IGSF9B: variants seen among roughly 807,000 people sequenced by gnomAD.
The protein encoded by IGSF9B is immunoglobulin superfamily member 9B, also known as protein turtle homolog B.
IGSF9B carries 48 observed loss-of-function variants against 143.7 expected under a neutral mutation model. The observed-to-expected ratio is 0.33, with a 90% CI of 0.26 to 0.42. The LOEUF (loss-of-function observed/expected upper bound fraction) is 0.42, where lower values mean the gene tolerates loss of function less well. Among genes scored for constraint, IGSF9B ranks in the 20% least tolerant of loss-of-function variants. The pLI, the probability that IGSF9B is intolerant of heterozygous loss-of-function variation, is 1.00. For missense variants in IGSF9B, 1,706 were observed against 1,980.0 expected, an observed-to-expected ratio of 0.86 and a Z score of 2.63; for synonymous variants, 903 against 833.1, an observed-to-expected ratio of 1.08 and a Z score of -1.44.
intron 18 of IGSF9B, among the ~76,000 whole-genome samples, chr11:133,919,486 C>A (rs1042753757): frequency 2.0e-5 from 3 of 152,228 alleles, no homozygotes; most frequent in Non-Finnish European, 4.4e-5. Context: ...GGTGGTGCGC[C>A]CGCCGAGAGC....
Position 133,931,676 on chromosome 11 carries a change from G to A in IGSF9B, c.1230C>T (p.Ala410=), listed in dbSNP as rs1183837432. ...TCACCTTCAGGACAAGCCTCGCAGGGGCAGACTGGCCCATGGTCCCCAGAG... is the reference window on the plus strand; with the variant it reads ...TCACCTTCAGGACAAGCCTCGCAGGAGCAGACTGGCCCATGGTCCCCAGAG... ...YNTLGTMGQS[A]PARLVLKDPP... is the part of the protein sequence containing the mutation. The change falls in exon 9 of 20, where the codon GCC becomes GCT. Residue 410 remains alanine (A), a synonymous_variant. Coordinates refer to ENST00000533871, the MANE Select transcript of IGSF9B (RefSeq NM_001277285.4). This position sits in a 1 kb window ranked among gnomAD's most constrained non-coding sequence, Gnocchi z 7.7. The A allele has an allele frequency of 1.9e-6, 3 of 1,610,752 alleles. No individual in the cohort carries two copies. The highest frequency in any genetic ancestry group is 1.7e-5 in the Admixed American group (1 of 59,452).
In IGSF9B at chr11:133,948,627, GT is replaced by G. The variant is rs1423519797; in HGVS notation, c.65-2370del. On this transcript the variant is annotated intron_variant, in intron 1 of 19. Coordinates refer to ENST00000533871, the MANE Select transcript of IGSF9B (RefSeq NM_001277285.4). This position sits in a 1 kb window ranked among gnomAD's most constrained non-coding sequence, Gnocchi z 4.7. ...GAGTTTGCAGAGAAGCTGTGTGTGT[GT>G]GTGTGTGTGTGTGTGTGTGTGTGTG... Among the ~76,000 whole-genome samples, 15 of 131,494 alleles carry G rather than the reference GT, an allele frequency of 1.1e-4. No homozygotes were observed. Among genetic ancestry groups the G allele is most frequent in the African/African-American group, 4.3e-4 (15 of 34,856 alleles). The allele number at this position is 131,494 out of a possible 152,430, so 86.3% of individuals were successfully genotyped here. A position where few individuals can be genotyped will look rare whatever the true frequency, so the allele number is the denominator to read the frequency against.
At chr11:133,941,747 A>T (rs1380614930) in intron 3 of IGSF9B, among the ~76,000 whole-genome samples, 1 of 152,114 alleles carries the variant, frequency 6.6e-6, no homozygotes, top group Non-Finnish European at 1.5e-5. Flanking sequence ...TTTCCCTATG[A>T]ACAGCCTACC....
chr11:133,928,909 C>T lies in IGSF9B; in HGVS notation c.1631+762G>A, dbSNP rs1347832334. Among the ~76,000 whole-genome samples the T allele has an allele frequency of 6.6e-6, 1 of 152,142 alleles. No homozygotes were observed. Among genetic ancestry groups the T allele is most frequent in the Non-Finnish European group, 1.5e-5 (1 of 68,012 alleles). On this transcript the variant is annotated intron_variant, in intron 12 of 19. Coordinates refer to ENST00000533871, the MANE Select transcript of IGSF9B (RefSeq NM_001277285.4). This position sits in a 1 kb window ranked among gnomAD's most constrained non-coding sequence, Gnocchi z 4.7. ...TAGAGAGAAAATGCAGGGGCTGACC[C>T]CAAGGCTGGGAAGTGAGCATCACCT...
rs749012641 is a variant in IGSF9B at position 133,924,935 on chromosome 11, C to T, written c.2035-31G>A. ...GCCCCAGGGACAATACCCAGTCAGC[C>T]GAGGGACCTGAGATGACCACTGTCC... On this transcript the variant is annotated intron_variant, in intron 14 of 19. Coordinates refer to ENST00000533871, the MANE Select transcript of IGSF9B (RefSeq NM_001277285.4). 122 of 1,594,372 alleles carry T rather than the reference C, an allele frequency of 7.7e-5. 1 individual carries two copies. The highest frequency in any genetic ancestry group is 2.5e-4 in the South Asian group (23 of 90,502).
At chr11:133,952,644 A>ATGTGCACACACATACAGG (rs1491203727) in intron 1 of IGSF9B, among the ~76,000 whole-genome samples, 1 of 149,136 alleles carries the variant, frequency 6.7e-6, no homozygotes, top group African/African-American at 2.6e-5. Flanking sequence ...GTATGGGCAC[A>ATGTGCACACACATACAGG]TGTGCACACA....
At chr11:133,923,620 T>C (rs1179520098) in intron 15 of IGSF9B, among the ~76,000 whole-genome samples, 1 of 152,254 alleles carries the variant, frequency 6.6e-6, no homozygotes, top group Non-Finnish European at 1.5e-5. Context: ...CCAGAATTCA[T>C]TGCTGCATCG....
Position 133,900,963 on chromosome 11 carries a change from A to C in IGSF9B, c.*8106T>G, listed in dbSNP as rs1310795933. On this transcript the variant is annotated 3_prime_UTR_variant, in exon 20 of 20. Coordinates refer to ENST00000533871, the MANE Select transcript of IGSF9B (RefSeq NM_001277285.4). ...CAACCACCCCCTTTCTAATGCTGTG[A>C]AGCCAGGTTTTCTCTGAGGAACTGG... The C allele has an allele frequency of 6.6e-6, 1 of 152,206 alleles. No individual in the cohort carries two copies. Among genetic ancestry groups the C allele is most frequent in the Non-Finnish European group, 1.5e-5 (1 of 68,052 alleles). The allele number at this position is 152,206 out of a possible 1,614,324, so 9.4% of individuals were successfully genotyped here.
At chr11:133,922,263 C>T in intron 16 of IGSF9B, 41 bp from the exon 17 acceptor site, 1 of 1,572,158 alleles carries the variant, frequency 6.4e-7, no homozygotes, top group Non-Finnish European at 8.7e-7. Flanking sequence ...GAGGCCAAGC[C>T]AGCAACCACG....
Position 133,953,464 on chromosome 11 carries a change from A to C in IGSF9B, c.64+3227T>G, listed in dbSNP as rs976504708. 3.9e-5 allele frequency among the ~76,000 whole-genome samples: 6 copies of C among 152,170 alleles called. No homozygotes were observed. Among genetic ancestry groups the C allele is most frequent in the Non-Finnish European group, 8.8e-5 (6 of 68,032 alleles). ...CAGCCACTGACCACTTCCTGAGTGA[A>C]GTCCTTCTCAGCCGATAGGCTCACC... On this transcript the variant is annotated intron_variant, in intron 1 of 19. Coordinates refer to ENST00000533871, the MANE Select transcript of IGSF9B (RefSeq NM_001277285.4). The surrounding 1 kb of genome is among the most constrained non-coding windows in gnomAD (Gnocchi z 4.2).
In IGSF9B at chr11:133,930,633, C is replaced by T. The variant is rs115281308; in HGVS notation, c.1519+351G>A. ...GCCCTCATCTGAGATGCTGCACAGT[C>T]CCCGTCTCCCTCATTCCAGCCCTCC... On this transcript the variant is annotated intron_variant, in intron 11 of 19. Transcript: ENST00000533871. 2.4e-3 allele frequency among the ~76,000 whole-genome samples: 373 copies of T among 152,324 alleles called. 3 individuals are homozygous for T. Among genetic ancestry groups the T allele is most frequent in the African/African-American group, 8.3e-3 (345 of 41,580 alleles).
intron 3 of IGSF9B, among the ~76,000 whole-genome samples, 163 bp downstream of exon 3, chr11:133,944,057 T>C (rs1939998937): frequency 1.3e-5 from 2 of 152,290 alleles, no homozygotes; most frequent in South Asian, 2.1e-4. Context: ...GCGGGGACAC[T>C]GCAGGAGTGA....
At position 133,932,226 on chromosome 11, in the gene IGSF9B, A is replaced by G. The variant is rs185072277; in HGVS notation, c.968-13T>C. Reference sequence around the variant, plus strand: ...ACACGCGCTGGGTCTGCATAGAGGAAGCGCAGGTGAGAGAGCAGACAGACA... The same window carrying G: ...ACACGCGCTGGGTCTGCATAGAGGAGGCGCAGGTGAGAGAGCAGACAGACA... On this transcript the variant is annotated splice_polypyrimidine_tract_variant and intron_variant, in intron 7 of 19. Coordinates refer to ENST00000533871, the MANE Select transcript of IGSF9B (RefSeq NM_001277285.4). 7.2e-4 allele frequency: 1,110 copies of G among 1,544,996 alleles called. 24 individuals are homozygous for G. The Admixed American group carries it at 0.02, about 28-fold the overall frequency.
rs1481756651 is a variant in IGSF9B at position 133,932,098 on chromosome 11, C to T, written c.1083G>A (p.Lys361=). The T allele has an allele frequency of 1.9e-6, 3 of 1,613,874 alleles. No homozygotes were observed. Among genetic ancestry groups the T allele is most frequent in the Admixed American group, 1.7e-5 (1 of 60,010 alleles). The change falls in exon 8 of 20, where the codon AAG becomes AAA. Residue 361 remains lysine, a synonymous_variant. Coordinates refer to ENST00000533871, the MANE Select transcript of IGSF9B (RefSeq NM_001277285.4). The part of the protein sequence containing the change: ...EPPATVVKWN[K]DGRPLQVEKN... The stretch of plus-strand genomic sequence containing the variant: ...TCTCAACCTGCAGGGGACGGCCGTC[C>T]TTGTTCCACTTGACCACGGTGGCCG...
At chr11:133,952,248 G>A (rs962628059) in intron 1 of IGSF9B, 2 of 347,396 alleles carry the variant, frequency 5.8e-6, no homozygotes, top group African/African-American at 2.1e-5. Flanking sequence ...GCCTTTTGGG[G>A]AATGGGCATA....
At chr11:133,950,093 G>A (rs559378904) in intron 1 of IGSF9B, among the ~76,000 whole-genome samples, 1 of 152,324 alleles carries the variant, frequency 6.6e-6, no homozygotes, top group East Asian at 1.9e-4. Flanking sequence ...GGGCCAGGTG[G>A]TACCCAGTGG....
chr11:133,944,126 G>C, intron 3 of IGSF9B, 94 bp downstream of exon 3: 1 of 1,370,796 alleles, frequency 7.3e-7, no homozygotes, highest in Non-Finnish European at 9.8e-7. Context: ...GATGCAGTTG[G>C]GAGAAGGGCT....
chr11:133,936,507 G>A (rs1231064681), intron 5 of IGSF9B, among the ~76,000 whole-genome samples: 1 of 152,242 alleles, frequency 6.6e-6, no homozygotes. Context: ...GAATAGTCCA[G>A]TCTCAAGGAG....
intron 3 of IGSF9B, among the ~76,000 whole-genome samples, chr11:133,940,097 G>A (rs1447995076): frequency 5.3e-5 from 7 of 132,824 alleles, no homozygotes; most frequent in Middle Eastern, 5.6e-3. Context: ...GTCCCCGCAC[G>A]CATCATCACA....
Sources: allele counts gnomAD v4.1 joint callset (sites outside exome capture counted in the v4.1 genomes callset), GRCh38; gene constraint gnomAD v4.1.1; non-coding constraint Gnocchi (gnomAD v3.1); transcripts MANE v1.5; gene names NCBI Gene and HGNC (gene_info 2026-07-23, HGNC 2026-07-21).